TCF12: variants seen among roughly 807,000 people sequenced by gnomAD.
The protein encoded by TCF12 is DNA-binding protein HTF4.
In TCF12, 45 loss-of-function variants were observed where a neutral mutation model predicts 86.0. That is an observed-to-expected ratio of 0.52 (90% CI 0.41 to 0.67). TCF12 has a LOEUF of 0.67. Among genes scored for constraint, TCF12 ranks in the 30% least tolerant of loss-of-function variants. The probability of loss-of-function intolerance (pLI) is 0.00; values close to 1 mark genes in which losing one functional copy is unlikely to be tolerated. For synonymous variants in TCF12, 330 were observed against 299.6 expected, an observed-to-expected ratio of 1.10 and a Z score of -1.05; for missense variants, 881 against 859.9, an observed-to-expected ratio of 1.02 and a Z score of -0.31.
intron 7 of TCF12, among the ~76,000 whole-genome samples, chr15:57,195,776 G>A (rs1170441391): frequency 3.9e-5 from 6 of 152,176 alleles, no homozygotes; most frequent in Admixed American, 1.3e-4. Flanking sequence ...GGCCAAGGCC[G>A]ATGATCACTT....
intron 6 of TCF12, among the ~76,000 whole-genome samples, chr15:57,188,120 T>A (rs2056781125): frequency 6.6e-6 from 1 of 152,186 alleles, no homozygotes; most frequent in Non-Finnish European, 1.5e-5. Flanking sequence ...GCAGGATGTA[T>A]GGTTTATTAG....
chr15:57,235,982 A>G (rs1315608446), intron 12 of TCF12, among the ~76,000 whole-genome samples: 2 of 152,136 alleles, frequency 1.3e-5, no homozygotes, highest in Non-Finnish European at 2.9e-5. Flanking sequence ...AGAAAACCCA[A>G]ATTCACCGTG....
intron 3 of TCF12, among the ~76,000 whole-genome samples, chr15:56,939,650 A>G (rs1464751771): frequency 1.3e-5 from 2 of 152,182 alleles, no homozygotes; most frequent in African/African-American, 2.4e-5. Flanking sequence ...GTAACTGGCT[A>G]TTTGATTTAG....
At chr15:57,139,932 G>A (rs2052835519) in intron 5 of TCF12, among the ~76,000 whole-genome samples, 1 of 152,178 alleles carries the variant, frequency 6.6e-6, no homozygotes, top group Non-Finnish European at 1.5e-5. Context: ...AACATTTGGA[G>A]TATAGTAGAT....
intron 18 of TCF12, among the ~76,000 whole-genome samples, chr15:57,269,540 C>T (rs1466304919): frequency 6.6e-6 from 1 of 151,910 alleles, no homozygotes; most frequent in Non-Finnish European, 1.5e-5. Context: ...TTAATTGGGG[C>T]ACTTAGCTCA....
At chr15:56,926,296 G>C (rs1372772711) in intron 3 of TCF12, among the ~76,000 whole-genome samples, 1 of 145,908 alleles carries the variant, frequency 6.9e-6, no homozygotes, top group Non-Finnish European at 1.5e-5. Context: ...CTGGGTGACA[G>C]AGGGAGACTC....
At chr15:57,119,448 C>T (rs1374699713) in intron 5 of TCF12, among the ~76,000 whole-genome samples, 2 of 148,706 alleles carry the variant, frequency 1.3e-5, no homozygotes, top group African/African-American at 5.0e-5. Context: ...CCACCGTACC[C>T]GGTCCACAGC....
At chr15:57,108,253 T>C (rs192816484) in intron 5 of TCF12, among the ~76,000 whole-genome samples, 2 of 152,170 alleles carry the variant, frequency 1.3e-5, no homozygotes, top group Non-Finnish European at 2.9e-5. Flanking sequence ...GAGAAAAATA[T>C]TGGAGCATCT....
chr15:57,163,517 C>G (rs1567544204), intron 5 of TCF12, among the ~76,000 whole-genome samples: 1 of 151,908 alleles, frequency 6.6e-6, no homozygotes, highest in African/African-American at 2.4e-5. Flanking sequence ...CTAGGCCATA[C>G]TATGAGACCC....
intron 3 of TCF12, among the ~76,000 whole-genome samples, chr15:57,035,473 T>G (rs1341931753): frequency 6.6e-6 from 1 of 152,094 alleles, no homozygotes; most frequent in African/African-American, 2.4e-5. Context: ...CACTATGTTG[T>G]GTAGGCTGAT....
At chr15:56,966,276 A>G (rs2061997349) in intron 3 of TCF12, among the ~76,000 whole-genome samples, 1 of 152,158 alleles carries the variant, frequency 6.6e-6, no homozygotes, top group African/African-American at 2.4e-5. Context: ...AGGTTTTGCC[A>G]TTAATTTCAA....
At position 57,166,618 on chromosome 15, in the gene TCF12, A is replaced by C. The variant is rs1458554160; in HGVS notation, c.390+152A>C. 5 of 586,268 alleles carry C rather than the reference A, an allele frequency of 8.5e-6. No homozygotes were observed. In the African/African-American group the frequency reaches 9.7e-5, roughly 11 times the overall value. The allele number at this position is 586,268 out of a possible 1,614,324, so 36.3% of individuals were successfully genotyped here. ...TTGTTTTTTGCTCTCTTTGCTTAAA[A>C]TTGTTTCAGTTCCCCAGTTTACCAG... On this transcript the variant is annotated intron_variant, in intron 6 of 20. Coordinates refer to ENST00000333725, the MANE Select transcript of TCF12 (RefSeq NM_207037.2).
chr15:57,107,428 G>A (rs1878237074), intron 5 of TCF12, among the ~76,000 whole-genome samples: 2 of 152,172 alleles, frequency 1.3e-5, no homozygotes, highest in Non-Finnish European at 2.9e-5. Flanking sequence ...GGACTTAAGG[G>A]AGAAGGAGAG....
intron 8 of TCF12, among the ~76,000 whole-genome samples, chr15:57,202,486 C>T (rs901490443): frequency 1.4e-5 from 2 of 147,136 alleles, no homozygotes; most frequent in Non-Finnish European, 3.0e-5. Context: ...CCCAGGCTAG[C>T]GTGCAGTGGC....
At chr15:57,215,099 T>C (rs2058278688) in intron 8 of TCF12, among the ~76,000 whole-genome samples, 1 of 152,172 alleles carries the variant, frequency 6.6e-6, no homozygotes, top group South Asian at 2.1e-4. Flanking sequence ...GTGAGGATAT[T>C]AGAAAAACCA....
At chr15:56,982,108 C>T (rs1205575583) in intron 3 of TCF12, among the ~76,000 whole-genome samples, 1 of 152,142 alleles carries the variant, frequency 6.6e-6, no homozygotes, top group Non-Finnish European at 1.5e-5. Flanking sequence ...TTTACCAATT[C>T]ATTCATTTAA....
intron 6 of TCF12, among the ~76,000 whole-genome samples, chr15:57,170,770 TTA>T (rs1405389094): frequency 1.6e-4 from 1 of 6,446 alleles, no homozygotes; most frequent in African/African-American, 3.4e-4. Flanking sequence ...TATATATATA[TTA>T]TATATAATAT....
intron 3 of TCF12, among the ~76,000 whole-genome samples, chr15:57,036,151 G>A (rs1260702319): frequency 1.3e-5 from 2 of 151,160 alleles, no homozygotes; most frequent in Admixed American, 6.6e-5. Context: ...GATTTTGAAC[G>A]GTGGCTGTTC....
At chr15:57,220,255 A>G (rs140052112) in intron 8 of TCF12, among the ~76,000 whole-genome samples, 8 of 152,320 alleles carry the variant, frequency 5.3e-5, no homozygotes, top group Non-Finnish European at 7.4e-5. Context: ...ATATACACAC[A>G]TATGTATTGA....
Sources: gnomAD v4.1 joint callset for allele counts (sites outside exome capture counted in the v4.1 genomes callset) on GRCh38, gnomAD v4.1.1 for gene constraint, MANE v1.5 for transcripts, NCBI Gene and HGNC (gene_info 2026-07-23, HGNC 2026-07-21) for gene names.